The following MOSPD2 variants were observed in gnomAD, a reference collection of about 807,000 sequenced individuals.
MOSPD2 encodes the protein motile sperm domain containing 2, also known as motile sperm domain-containing protein 2.
A neutral mutation model predicts 41.7 loss-of-function variants in MOSPD2; 5 were observed. That is an observed-to-expected ratio of 0.12 (90% CI 0.06 to 0.25). The LOEUF is 0.25. MOSPD2 is among the 10% of genes least tolerant of loss of function. The pLI, the probability that MOSPD2 is intolerant of heterozygous loss-of-function variation, is 1.00. For synonymous variants in MOSPD2, 115 were observed against 126.9 expected (o/e 0.91, Z 0.63); for missense variants, 282 against 375.2 (o/e 0.75, Z 2.05).
chrX:14,898,163 G>A (rs2092566339), intron 5 of MOSPD2, among the ~76,000 whole-genome samples: 1 of 111,677 alleles, frequency 9.0e-6, no homozygotes, highest in African/African-American at 3.3e-5. Flanking sequence ...GTCATTTAAA[G>A]TAATGAAAAA....
intron 4 of MOSPD2, 95 bp from the exon 5 acceptor site, chrX:14,896,989 T>G (rs2092564224): frequency 1.5e-6 from 1 of 666,117 alleles, no homozygotes; most frequent in Non-Finnish European, 2.1e-6. Flanking sequence ...ATAAAATGAA[T>G]TGTAAATGAA....
chrX:14,891,489 G>A (rs761978692), intron 2 of MOSPD2, among the ~76,000 whole-genome samples: 3 of 108,360 alleles, frequency 2.8e-5, no homozygotes, highest in Non-Finnish European at 5.8e-5. Context: ...TTTTCCATCG[G>A]TACTTAGTTA....
At chrX:14,886,302 A>G (rs1361370058) in intron 2 of MOSPD2, among the ~76,000 whole-genome samples, 1 of 111,081 alleles carries the variant, frequency 9.0e-6, no homozygotes, top group African/African-American at 3.3e-5. Context: ...ATTAACCTGG[A>G]TAACTGGCTG....
chrX:14,918,644 T>C, intron 13 of MOSPD2, 36 bp from the exon 14 acceptor site: 2 of 983,928 alleles, frequency 2.0e-6, no homozygotes, highest in Non-Finnish European at 1.4e-6. Context: ...GAAAATTAAC[T>C]TTTTAAGAAG....
At chrX:14,919,208 T>C (rs922653310) in intron 14 of MOSPD2, among the ~76,000 whole-genome samples, 1 of 111,328 alleles carries the variant, frequency 9.0e-6, no homozygotes, top group African/African-American at 3.3e-5. Context: ...CATTTCTCAA[T>C]AAAAAAAGAA....
chrX:14,899,514 T>TTGTA (rs1555909948), intron 5 of MOSPD2, among the ~76,000 whole-genome samples: 106 of 94,440 alleles, frequency 1.1e-3, no homozygotes, highest in African/African-American at 3.7e-3. Flanking sequence ...AAAGGTATTA[T>TTGTA]TATATATATA....
chrX:14,912,160 C>A, intron 9 of MOSPD2, 89 bp from the exon 10 acceptor site: 1 of 488,596 alleles, frequency 2.0e-6, no homozygotes, highest in Non-Finnish European at 3.2e-6. Context: ...CTAGAGTAAC[C>A]TATGTTATGT....
In MOSPD2 at chrX:14,921,394, C is replaced by G; in HGVS notation, c.*1585C>G. ...TTCTGTTTCAGTTTGCCACCTCCAG[C>G]TGTGAAATGGACTGCAGTCCACCCT... On this transcript the variant is annotated 3_prime_UTR_variant, in exon 15 of 15. Coordinates refer to ENST00000380492, the MANE Select transcript of MOSPD2 (RefSeq NM_152581.4). 1 of 937,501 alleles carries G rather than the reference C, an allele frequency of 1.1e-6. No individual in the cohort carries two copies. The highest frequency in any genetic ancestry group is 2.0e-5 in the African/African-American group (1 of 49,395). 77.3% of individuals were successfully genotyped at this position (937,501 alleles called of 1,213,427 possible).
intron 7 of MOSPD2, among the ~76,000 whole-genome samples, chrX:14,908,105 T>G (rs1473650490): frequency 9.0e-6 from 1 of 111,588 alleles, no homozygotes; most frequent in Non-Finnish European, 1.9e-5. Context: ...TTCTTAAAAA[T>G]GTACTTAGAT....
intron 5 of MOSPD2, among the ~76,000 whole-genome samples, chrX:14,898,886 C>G: frequency 9.1e-6 from 1 of 110,462 alleles, no homozygotes; most frequent in Non-Finnish European, 1.9e-5. Flanking sequence ...ATAAATGACC[C>G]TTTCATGAGT....
intron 8 of MOSPD2, 113 bp downstream of exon 8, chrX:14,909,097 A>G (rs772703621): frequency 1.7e-4 from 104 of 598,360 alleles, no homozygotes; most frequent in Non-Finnish European, 2.4e-4. Flanking sequence ...GAAATATCAC[A>G]GATACCCCCA....
intron 2 of MOSPD2, among the ~76,000 whole-genome samples, chrX:14,875,730 G>A (rs1206888122): frequency 8.9e-6 from 1 of 111,853 alleles, no homozygotes; most frequent in Non-Finnish European, 1.9e-5. Context: ...TGCCTGGGAA[G>A]ATTTTACCCA....
At chrX:14,914,908 T>A (rs2082681189) in intron 11 of MOSPD2, among the ~76,000 whole-genome samples, 1 of 112,212 alleles carries the variant, frequency 8.9e-6, no homozygotes. Context: ...TGTGAATAAT[T>A]TAATTTATAA....
chrX:14,908,863 C>T lies in MOSPD2; in HGVS notation c.581C>T (p.Ala194Val). The T allele has an allele frequency of 1.7e-6, 2 of 1,180,781 alleles. No homozygotes were observed. Among genetic ancestry groups the T allele is most frequent in the Non-Finnish European group, 2.3e-6 (2 of 876,184 alleles). ...GAAGTGACTGGTTTTTCTTCAGCTG[C>T]TTTCAAAATTGTGAAAACCTGGCTT... is the stretch of plus-strand genomic sequence containing the variant. The part of the protein sequence containing the change: ...IFDMPWLMNA[A>V]FKIVKTWLGP... The change falls in exon 8 of 15, where the codon GCT becomes GTT. Residue 194 changes from alanine (A) to valine (V), a missense_variant. This residue lies in a region of MOSPD2 where 187 missense variants were observed against 256.6 expected (regional missense o/e 0.73). Coordinates refer to ENST00000380492, the MANE Select transcript of MOSPD2 (RefSeq NM_152581.4).
At chrX:14,918,300 TCTC>T (rs1400886855) in intron 13 of MOSPD2, among the ~76,000 whole-genome samples, 2 of 111,636 alleles carry the variant, frequency 1.8e-5, no homozygotes, top group Non-Finnish European at 3.8e-5. Context: ...AGATCACTGT[TCTC>T]CTGCAGAAAG....
chrX:14,900,090 TA>T (rs2092570523), intron 5 of MOSPD2, among the ~76,000 whole-genome samples: 1 of 112,325 alleles, frequency 8.9e-6, no homozygotes. Flanking sequence ...AAAAGGTTGA[TA>T]AAATATATTT....
intron 14 of MOSPD2, 55 bp downstream of exon 14, chrX:14,918,837 A>G: frequency 2.6e-6 from 2 of 774,895 alleles, no homozygotes; most frequent in Non-Finnish European, 3.9e-6. Flanking sequence ...TCAACATTAG[A>G]AATCCCTTTT....
chrX:14,888,224 A>G (rs992062825), intron 2 of MOSPD2, among the ~76,000 whole-genome samples: 3 of 97,292 alleles, frequency 3.1e-5, no homozygotes, highest in Non-Finnish European at 5.9e-5. Context: ...ACACACACAC[A>G]CACACACACA....
intron 2 of MOSPD2, chrX:14,885,337 A>G (rs1423228633): frequency 8.9e-6 from 1 of 111,756 alleles, no homozygotes; most frequent in Non-Finnish European, 1.9e-5. Context: ...ATAGGAAACT[A>G]GAATAACACA....
Sources: gnomAD v4.1 joint callset for allele counts (sites outside exome capture counted in the v4.1 genomes callset) on GRCh38, gnomAD v4.1.1 for gene constraint, gnomAD v4.1.1 regional missense constraint, MANE v1.5 for transcripts, NCBI Gene and HGNC (gene_info 2026-07-23, HGNC 2026-07-21) for gene names.